The following EVA1A variants were observed in gnomAD, a reference collection of about 807,000 sequenced individuals.
EVA1A encodes protein eva-1 homolog A.
In EVA1A, 7 loss-of-function variants were observed where a neutral mutation model predicts 9.8. That is an observed-to-expected ratio of 0.71 (90% CI 0.41 to 1.34). The LOEUF (loss-of-function observed/expected upper bound fraction) is 1.34, where lower values mean the gene tolerates loss of function less well. Ranked by LOEUF, EVA1A falls within the 40% of genes most tolerant of loss-of-function variation. EVA1A has a pLI of 0.01. For synonymous variants in EVA1A, 90 were observed against 85.6 expected (o/e 1.05, Z -0.28); for missense variants, 206 against 205.9 (o/e 1.00, Z 0.00).
chr2:75,553,950 C>A (rs1429444040), intron 1 of EVA1A, among the ~76,000 whole-genome samples: 2 of 152,174 alleles, frequency 1.3e-5, no homozygotes, highest in East Asian at 3.9e-4. Flanking sequence ...GGTTGCTTGG[C>A]CAAGTGGCAC....
At position 75,538,520 on chromosome 2, in the gene EVA1A, C is replaced by T. The variant is rs570552407; in HGVS notation, c.-191-16033G>A. Reference sequence around the variant, plus strand: ...GTATAAATGAGAGCACAATATGCAACTTTTTGGGACTGGGTACATGAATAT... The same window carrying T: ...GTATAAATGAGAGCACAATATGCAATTTTTTGGGACTGGGTACATGAATAT... On this transcript the variant is annotated intron_variant, in intron 1 of 3. Coordinates refer to ENST00000393913, the MANE Select transcript of EVA1A (RefSeq NM_001135032.2). Among the ~76,000 whole-genome samples the T allele has an allele frequency of 1.2e-3, 176 of 152,276 alleles. 3 individuals carry two copies. The highest frequency in any genetic ancestry group is 4.1e-3 in the African/African-American group (171 of 41,564).
At chr2:75,520,108 C>A (rs1256093178) in intron 2 of EVA1A, among the ~76,000 whole-genome samples, 3 of 152,174 alleles carry the variant, frequency 2.0e-5, no homozygotes. Context: ...CAGTCACACA[C>A]ATATACACAC....
At chr2:75,530,184 C>T (rs1675594267) in intron 1 of EVA1A, among the ~76,000 whole-genome samples, 1 of 152,000 alleles carries the variant, frequency 6.6e-6, no homozygotes. Context: ...ACACAGCCCT[C>T]TCTGGATTAA....
At chr2:75,549,007 TA>T (rs1237552255) in intron 1 of EVA1A, among the ~76,000 whole-genome samples, 928 of 59,038 alleles carry the variant, frequency 0.016, 5 homozygotes, top group African/African-American at 0.039. Flanking sequence ...TATATATATA[TA>T]TTTTTTTTTT....
intron 1 of EVA1A, among the ~76,000 whole-genome samples, chr2:75,558,932 G>A (rs1676820023): frequency 6.6e-6 from 1 of 152,202 alleles, no homozygotes; most frequent in African/African-American, 2.4e-5. Context: ...ACCAACAAGG[G>A]TGCTAAGGCA....
chr2:75,563,463 T>C (rs1311682864), upstream of EVA1A, among the ~76,000 whole-genome samples: 1 of 152,212 alleles, frequency 6.6e-6, no homozygotes, highest in Non-Finnish European at 1.5e-5. Flanking sequence ...AGCTACTAAC[T>C]TCATGCTTGC....
intron 1 of EVA1A, among the ~76,000 whole-genome samples, chr2:75,551,565 C>G (rs1333363176): frequency 6.6e-6 from 1 of 152,154 alleles, no homozygotes; most frequent in Non-Finnish European, 1.5e-5. Flanking sequence ...GTGTTGTGCC[C>G]TAGTACTGCC....
At chr2:75,510,584 C>T (rs17011414) in intron 3 of EVA1A, among the ~76,000 whole-genome samples, 25,563 of 152,212 alleles carry the variant, frequency 0.17, 2,521 homozygotes, top group East Asian at 0.28. Context: ...AAATACTAAA[C>T]AGCATAACTG....
intron 3 of EVA1A, among the ~76,000 whole-genome samples, chr2:75,499,591 C>A (rs1236519298): frequency 6.6e-6 from 1 of 152,162 alleles, no homozygotes; most frequent in African/African-American, 2.4e-5. Context: ...AGGTCTTGGA[C>A]CTGTCTACTT....
chr2:75,566,850 T>TC (rs952900208), intron 1 of EVA1A, among the ~76,000 whole-genome samples: 1 of 152,180 alleles, frequency 6.6e-6, no homozygotes, highest in Non-Finnish European at 1.5e-5. Flanking sequence ...CTTCTTTATT[T>TC]TTTTTTCTAT....
At chr2:75,509,173 C>G (rs1056401443) in intron 3 of EVA1A, among the ~76,000 whole-genome samples, 3 of 152,070 alleles carry the variant, frequency 2.0e-5, no homozygotes, top group Admixed American at 6.6e-5. Context: ...TTAAGGGGAA[C>G]TTATCATATG....
intron 1 of EVA1A, among the ~76,000 whole-genome samples, chr2:75,550,259 C>G (rs1676474971): frequency 6.6e-6 from 1 of 152,132 alleles, no homozygotes; most frequent in South Asian, 2.1e-4. Flanking sequence ...TATAATGGAC[C>G]TTTCATTTCC....
intron 1 of EVA1A, among the ~76,000 whole-genome samples, chr2:75,550,451 C>T (rs1676481927): frequency 6.6e-6 from 1 of 151,910 alleles, no homozygotes. Flanking sequence ...TGTTGCCATC[C>T]TTACCTCCAA....
intron 3 of EVA1A, among the ~76,000 whole-genome samples, chr2:75,510,032 T>A: frequency 6.6e-6 from 1 of 152,180 alleles, no homozygotes; most frequent in East Asian, 1.9e-4. Context: ...ATTTTGTATA[T>A]GTTTTTAATG....
upstream of EVA1A, among the ~76,000 whole-genome samples, chr2:75,563,319 A>G (rs1676960877): frequency 6.6e-6 from 1 of 152,206 alleles, no homozygotes; most frequent in Non-Finnish European, 1.5e-5. Flanking sequence ...GTCATTCTCC[A>G]GAACATGCAT....
At chr2:75,524,062 C>T (rs1298101242) in intron 1 of EVA1A, 5 of 152,520 alleles carry the variant, frequency 3.3e-5, no homozygotes, top group African/African-American at 1.2e-4. Context: ...CCCCCTTTTG[C>T]TCAGTACTTC....
At chr2:75,543,120 T>C (rs1313851147) in intron 1 of EVA1A, among the ~76,000 whole-genome samples, 2 of 152,302 alleles carry the variant, frequency 1.3e-5, no homozygotes, top group Non-Finnish European at 2.9e-5. Context: ...ATTTCAGCCC[T>C]GTTGGTCAGC....
chr2:75,495,623 T>C (rs76549873), intron 3 of EVA1A, among the ~76,000 whole-genome samples: 523 of 152,354 alleles, frequency 3.4e-3, no homozygotes, highest in Middle Eastern at 0.017. Context: ...ATAATCTTGA[T>C]GTTGTCATCC....
At chr2:75,510,753 GGAAAAGTGCCTA>G (rs1457885291) in intron 3 of EVA1A, among the ~76,000 whole-genome samples, 1 of 152,034 alleles carries the variant, frequency 6.6e-6, no homozygotes, top group Admixed American at 6.6e-5. Context: ...GACTAATATA[GGAAAAGTGCCTA>G]GAAAGAGTAT....
Sources: gnomAD v4.1 joint callset for allele counts (sites outside exome capture counted in the v4.1 genomes callset) on GRCh38, gnomAD v4.1.1 for gene constraint, MANE v1.5 for transcripts, NCBI Gene and HGNC (gene_info 2026-07-23, HGNC 2026-07-21) for gene names.